The following TBX20 variants were observed in gnomAD, a reference collection of about 807,000 sequenced individuals.
The protein encoded by TBX20 is T-box transcription factor 20.
In TBX20, 8 loss-of-function variants were observed where a neutral mutation model predicts 42.9. The ratio of observed to expected loss-of-function variants is 0.19; its 90% CI spans 0.11 to 0.34. The LOEUF (loss-of-function observed/expected upper bound fraction) is 0.34, where lower values mean the gene tolerates loss of function less well. Ranked by LOEUF, TBX20 falls within the 10% of genes least tolerant of loss-of-function variation. The pLI, the probability that TBX20 is intolerant of heterozygous loss-of-function variation, is 1.00. For missense variants in TBX20, 411 were observed against 566.0 expected, an observed-to-expected ratio of 0.73 and a Z score of 2.78; for synonymous variants, 198 against 222.8, an observed-to-expected ratio of 0.89 and a Z score of 0.99.
At position 35,253,588 on chromosome 7, in the gene TBX20, G is replaced by A. The variant is rs1320391994; in HGVS notation, c.33C>T (p.Leu11=). The A allele has an allele frequency of 1.9e-6, 3 of 1,612,178 alleles. No homozygotes were observed. The highest frequency in any genetic ancestry group is 2.5e-6 in the Non-Finnish European group (3 of 1,180,028). Residue 11 remains leucine (L), a synonymous_variant, in exon 1 of 8, where the codon CTC becomes CTT. Coordinates refer to ENST00000408931, the MANE Select transcript of TBX20 (RefSeq NM_001077653.2). MEFTASPKPQ[L]SSRANAFSIA... ...TGGAGAAGGCGTTGGCCCGAGAGGA[G>A]AGTTGGGGCTTGGGGGACGCCGTGA...
chr7:35,232,164 G>A (rs1282020549), intron 5 of TBX20, among the ~76,000 whole-genome samples: 2 of 152,028 alleles, frequency 1.3e-5, no homozygotes, highest in Non-Finnish European at 2.9e-5. Flanking sequence ...CTTTCCATTT[G>A]ACTAAATCAG....
At chr7:35,213,877 C>CAAAAAAAAAAAAAAAA (rs59548164) in intron 6 of TBX20, among the ~76,000 whole-genome samples, 11 of 59,770 alleles carry the variant, frequency 1.8e-4, no homozygotes, top group African/African-American at 7.4e-4. Context: ...GCAGAGATAG[C>CAAAAAAAAAAAAAAAA]AAAAAAAAAA....
At chr7:35,220,210 T>G (rs1469549394) in intron 6 of TBX20, among the ~76,000 whole-genome samples, 1 of 152,174 alleles carries the variant, frequency 6.6e-6, no homozygotes, top group Non-Finnish European at 1.5e-5. Flanking sequence ...TGGAACTTCA[T>G]CAAAACCCCA....
intron 5 of TBX20, 103 bp from the exon 6 acceptor site, chr7:35,231,683 G>A: frequency 1.3e-6 from 1 of 787,688 alleles, no homozygotes; most frequent in Admixed American, 2.0e-5. Context: ...ATATCTTAAT[G>A]TTTCTCAGTG....
chr7:35,240,111 C>T (rs1413059730), intron 5 of TBX20, among the ~76,000 whole-genome samples: 1 of 152,042 alleles, frequency 6.6e-6, no homozygotes, highest in Non-Finnish European at 1.5e-5. Flanking sequence ...GTTGAGTATC[C>T]CTTATCTGAA....
rs1423536365 is a variant in TBX20 at position 35,249,413 on chromosome 7, G to C, written c.380+538C>G. Among the ~76,000 whole-genome samples the C allele has an allele frequency of 1.3e-5, 2 of 152,242 alleles. No homozygotes were observed. The highest frequency in any genetic ancestry group is 2.9e-5 in the Non-Finnish European group (2 of 68,048). ...GCAGCTTCCTGCCTGGCCAAAGCCCGCCCGGCTCTGGCGCCAAGAGGCCCC... is the reference window on the plus strand; with the variant it reads ...GCAGCTTCCTGCCTGGCCAAAGCCCCCCCGGCTCTGGCGCCAAGAGGCCCC... On this transcript the variant is annotated intron_variant, in intron 2 of 7. Coordinates refer to ENST00000408931, the MANE Select transcript of TBX20 (RefSeq NM_001077653.2). This position sits in a 1 kb window ranked among gnomAD's most constrained non-coding sequence, Gnocchi z 4.3.
At chr7:35,221,446 T>G (rs974848514) in intron 6 of TBX20, among the ~76,000 whole-genome samples, 1 of 152,130 alleles carries the variant, frequency 6.6e-6, no homozygotes, top group African/African-American at 2.4e-5. Context: ...ATTTCTGAAT[T>G]TCAAAGATTG....
chr7:35,230,445 T>C (rs186348731), intron 6 of TBX20, among the ~76,000 whole-genome samples: 1 of 152,266 alleles, frequency 6.6e-6, no homozygotes, highest in East Asian at 1.9e-4. Flanking sequence ...CCATAGTTCC[T>C]GGCCAATGTT....
chr7:35,223,428 A>G (rs979873839), intron 6 of TBX20, among the ~76,000 whole-genome samples: 5 of 152,252 alleles, frequency 3.3e-5, no homozygotes, highest in African/African-American at 1.2e-4. Flanking sequence ...CAGGGCACCC[A>G]GAGACCAGAT....
At chr7:35,247,577 T>C (rs1170724431) in intron 3 of TBX20, among the ~76,000 whole-genome samples, 1 of 152,178 alleles carries the variant, frequency 6.6e-6, no homozygotes, top group African/African-American at 2.4e-5. Context: ...GAATATTCTA[T>C]CTGAACCATA....
intron 6 of TBX20, among the ~76,000 whole-genome samples, chr7:35,227,279 T>C (rs1227601687): frequency 3.9e-5 from 6 of 152,038 alleles, no homozygotes; most frequent in East Asian, 1.9e-4. Flanking sequence ...TAAAGAAAAA[T>C]ATTCTTCATA....
Position 35,237,878 on chromosome 7 carries a change from G to A in TBX20, c.813+3001C>T, listed in dbSNP as rs549743491. On this transcript the variant is annotated intron_variant, in intron 5 of 7. Coordinates refer to ENST00000408931, the MANE Select transcript of TBX20 (RefSeq NM_001077653.2). ...CAGCACATTTGTTTAAAAAAAAAAT[G>A]AGCATAAAGAGCTGATGCTCTCTAA... Among the ~76,000 whole-genome samples, 361 of 151,860 alleles carry A rather than the reference G, an allele frequency of 2.4e-3. 2 individuals are homozygous for A. Among genetic ancestry groups the A allele is most frequent in the African/African-American group, 8.3e-3 (342 of 41,420 alleles).
intron 6 of TBX20, 23 bp downstream of exon 6, chr7:35,231,481 A>T: frequency 6.3e-7 from 1 of 1,581,964 alleles, no homozygotes; most frequent in Middle Eastern, 1.7e-4. Flanking sequence ...TGAACAAGAA[A>T]GTAAACAGAA....
At chr7:35,244,423 A>C (rs1228384293) in intron 4 of TBX20, among the ~76,000 whole-genome samples, 1 of 60,714 alleles carries the variant, frequency 1.6e-5, no homozygotes, top group African/African-American at 5.0e-5. Context: ...GAAACTCTCC[A>C]AAAAAAAATG....
chr7:35,235,560 G>C (rs960264707), intron 5 of TBX20, among the ~76,000 whole-genome samples: 18 of 152,220 alleles, frequency 1.2e-4, no homozygotes, highest in Non-Finnish European at 2.5e-4. Context: ...ACTTCATCAA[G>C]AGAAAACACT....
intron 7 of TBX20, among the ~76,000 whole-genome samples, chr7:35,204,060 T>A (rs1789353098): frequency 6.6e-6 from 1 of 152,200 alleles, no homozygotes; most frequent in African/African-American, 2.4e-5. Context: ...GGTCTTTGAT[T>A]CTAACAAATT....
chr7:35,223,545 TGAAGTGGAATAAAA>T, intron 6 of TBX20, among the ~76,000 whole-genome samples: 1 of 151,852 alleles, frequency 6.6e-6, no homozygotes. Flanking sequence ...GCATGGTAAA[TGAAGTGGAATAAAA>T]AACAGAAGAC....
chr7:35,242,296 T>C (rs554435772), intron 4 of TBX20, among the ~76,000 whole-genome samples: 89 of 152,326 alleles, frequency 5.8e-4, no homozygotes, highest in African/African-American at 1.9e-3. Flanking sequence ...ATTTTGAACA[T>C]GCTGCCTTTT....
intron 6 of TBX20, among the ~76,000 whole-genome samples, chr7:35,228,247 T>A (rs1344039056): frequency 2.0e-5 from 3 of 152,112 alleles, no homozygotes; most frequent in Admixed American, 6.6e-5. Context: ...TGCATAGGAT[T>A]AGTCAAATAA....
Sources: gnomAD v4.1 joint callset for allele counts (sites outside exome capture counted in the v4.1 genomes callset) on GRCh38, gnomAD v4.1.1 for gene constraint, Gnocchi (gnomAD v3.1) non-coding constraint, MANE v1.5 for transcripts, NCBI Gene and HGNC (gene_info 2026-07-23, HGNC 2026-07-21) for gene names.